Variants in CSMD1 observed in about 807,000 individuals in gnomAD.
The protein encoded by CSMD1 is CUB and Sushi multiple domains 1.
A neutral mutation model predicts 417.5 loss-of-function variants in CSMD1; 213 were observed. The ratio of observed to expected loss-of-function variants is 0.51; its 90% CI spans 0.46 to 0.57. The LOEUF is 0.57. CSMD1 is among the 20% of genes least tolerant of loss of function. The pLI is 0.00. For missense variants in CSMD1, 6,923 were observed against 4,529.7 expected (o/e 1.53, Z -15.17); for synonymous variants, 2,862 against 1,736.8 (o/e 1.65, Z -16.11).
chr8:3,493,637 T>A lies in CSMD1; in HGVS notation c.1434A>T (p.Arg478Ser). 1 of 1,610,476 alleles carries A rather than the reference T, an allele frequency of 6.2e-7. No individual in the cohort carries two copies. The highest frequency in any genetic ancestry group is 1.1e-5 in the South Asian group (1 of 89,950). Residue 478 changes from arginine to serine, a missense_variant, in exon 11 of 70, where the codon AGA (arginine) becomes AGT (serine). Physicochemically the swap from Arg to Ser is moderately radical, Grantham distance 110. Transcript: ENST00000635120. ...VGDAGKVGDT[R>S]SVLYVLTGSS... is the part of the protein sequence containing the mutation. Reference sequence around the variant, plus strand: ...GACATACTCACACGTACAAGACCGATCTGGTGTCTCCCACCTTCCCAGCAT... The same window carrying A: ...GACATACTCACACGTACAAGACCGAACTGGTGTCTCCCACCTTCCCAGCAT...
At chr8:4,578,264 C>A (rs1298890224) in intron 2 of CSMD1, among the ~76,000 whole-genome samples, 1 of 151,000 alleles carries the variant, frequency 6.6e-6, no homozygotes, top group Non-Finnish European at 1.5e-5. Context: ...GGGTTCACGC[C>A]ATTCTCCTGC....
chr8:4,359,531 C>G (rs1563091860), intron 3 of CSMD1, among the ~76,000 whole-genome samples: 1 of 152,200 alleles, frequency 6.6e-6, no homozygotes, highest in Admixed American at 6.5e-5. Context: ...ATAGAGATGT[C>G]TCCTTCCAAT....
chr8:3,841,590 G>T (rs1051956100), intron 5 of CSMD1, among the ~76,000 whole-genome samples: 1 of 151,878 alleles, frequency 6.6e-6, no homozygotes, highest in Non-Finnish European at 1.5e-5. Flanking sequence ...CCAAATATTA[G>T]CACTAGAAAG....
chr8:4,341,424 G>A (rs1015516832), intron 3 of CSMD1, among the ~76,000 whole-genome samples: 2 of 152,054 alleles, frequency 1.3e-5, no homozygotes, highest in Admixed American at 6.6e-5. Flanking sequence ...AGAGGAAAAT[G>A]TTTGAAGATA....
At chr8:4,938,176 G>A (rs1270751558) in intron 1 of CSMD1, among the ~76,000 whole-genome samples, 2 of 152,104 alleles carry the variant, frequency 1.3e-5, no homozygotes, top group African/African-American at 4.8e-5. Context: ...GGGAAATATA[G>A]AAATAGTCAG....
chr8:3,711,466 C>T (rs1801505272), intron 6 of CSMD1, among the ~76,000 whole-genome samples: 1 of 152,178 alleles, frequency 6.6e-6, no homozygotes, highest in Admixed American at 6.5e-5. Context: ...CAACCCCAAC[C>T]AAAGGGCGCT....
At chr8:4,461,831 AC>A (rs1182978810) in intron 2 of CSMD1, among the ~76,000 whole-genome samples, 1 of 146,906 alleles carries the variant, frequency 6.8e-6, no homozygotes, top group Non-Finnish European at 1.5e-5. Context: ...AGCTCCACCT[AC>A]GGGGTTCCCG....
rs569842043 is a variant in CSMD1, at chr8:4,776,928, A to G, written c.86-139370T>C. ...ACACTTCCACAACGTTACTAAGATT[A>G]AAGGCACTGGTGTTTGTAAAATTAC... On this transcript the variant is annotated intron_variant, in intron 1 of 69. Coordinates refer to ENST00000635120, the MANE Select transcript of CSMD1 (RefSeq NM_033225.6). Among the ~76,000 whole-genome samples, 26 of 152,320 alleles carry G rather than the reference A, an allele frequency of 1.7e-4. No homozygotes were observed. The East Asian group carries it at 4.8e-3, about 28-fold the overall frequency.
chr8:4,319,963 T>G (rs1799174504), intron 3 of CSMD1, among the ~76,000 whole-genome samples: 1 of 152,146 alleles, frequency 6.6e-6, no homozygotes, highest in Admixed American at 6.6e-5. Context: ...TTTGGATTTT[T>G]ACAGGCAGAG....
At chr8:3,589,156 T>C (rs1173914577) in intron 8 of CSMD1, among the ~76,000 whole-genome samples, 1 of 152,166 alleles carries the variant, frequency 6.6e-6, no homozygotes, top group Non-Finnish European at 1.5e-5. Context: ...TAAATTAGCA[T>C]ACTCATTATG....
chr8:3,982,197 A>ATTAAT (rs1554506372), intron 5 of CSMD1, among the ~76,000 whole-genome samples: 8,113 of 105,240 alleles, frequency 0.077, 496 homozygotes, highest in Admixed American at 0.22. Flanking sequence ...TAATATTAAT[A>ATTAAT]AAAAAAATAA....
At chr8:4,051,868 C>CTTTTCTTTTCT (rs57184690) in intron 3 of CSMD1, among the ~76,000 whole-genome samples, 1 of 40,552 alleles carries the variant, frequency 2.5e-5, no homozygotes, top group Non-Finnish European at 5.2e-5. Flanking sequence ...TTCTTTCTTT[C>CTTTTCTTTTCT]CTTCCTCCTT....
chr8:4,165,125 C>A (rs561167558), intron 3 of CSMD1, among the ~76,000 whole-genome samples: 274 of 152,254 alleles, frequency 1.8e-3, no homozygotes, highest in Admixed American at 2.9e-3. Context: ...CTGGTGCATG[C>A]ATGACAGGTA....
chr8:4,314,215 G>A lies in CSMD1; in HGVS notation c.415+105738C>T, dbSNP rs181143103. Among the ~76,000 whole-genome samples the A allele has an allele frequency of 1.8e-4, 27 of 149,554 alleles. No individual in the cohort carries two copies. The East Asian group carries it at 4.5e-3, about 25-fold the overall frequency. ...TCATTATTTTCAAGACTGCAGTCACGTTAATAGTTAAGTCACAACACAATG... is the reference window on the plus strand; with the variant it reads ...TCATTATTTTCAAGACTGCAGTCACATTAATAGTTAAGTCACAACACAATG... On this transcript the variant is annotated intron_variant, in intron 3 of 69. Coordinates refer to ENST00000635120, the MANE Select transcript of CSMD1 (RefSeq NM_033225.6).
chr8:3,308,205 G>GTGTGATAAAATTCCTCCTCTTTT (rs1805038014), intron 24 of CSMD1, 107 bp downstream of exon 24: 3 of 829,824 alleles, frequency 3.6e-6, no homozygotes, highest in Non-Finnish European at 5.6e-6. Context: ...ACACTGGAAA[G>GTGTGATAAAATTCCTCCTCTTTT]TGTGATAAAA....
In CSMD1 at chr8:4,748,780, G is replaced by A. The variant is rs1002179192; in HGVS notation, c.86-111222C>T. Among the ~76,000 whole-genome samples the A allele has an allele frequency of 4.6e-5, 7 of 152,152 alleles. No homozygotes were observed. The South Asian group carries it at 1.0e-3, about 23-fold the overall frequency. ...TAATTACTGGTTAATTATTGAATAGGTATTTAGTAGCGTGTTAGCATCACC... is the reference window on the plus strand; with the variant it reads ...TAATTACTGGTTAATTATTGAATAGATATTTAGTAGCGTGTTAGCATCACC... On this transcript the variant is annotated intron_variant, in intron 1 of 69. Transcript: ENST00000635120.
intron 5 of CSMD1, among the ~76,000 whole-genome samples, chr8:3,977,687 C>A (rs961735196): frequency 1.3e-5 from 2 of 152,142 alleles, no homozygotes; most frequent in African/African-American, 2.4e-5. Context: ...TGGTAAATCA[C>A]CAACTTTCTC....
chr8:4,956,189 C>T lies in CSMD1; in HGVS notation c.85+38143G>A, dbSNP rs144726664. On this transcript the variant is annotated intron_variant, in intron 1 of 69. Coordinates refer to ENST00000635120, the MANE Select transcript of CSMD1 (RefSeq NM_033225.6). The stretch of plus-strand genomic sequence containing the variant: ...GTTGTTTCTTTTCTACTTGGGGCCA[C>T]TGGAGATTTGTTTTCTTTTTAAGTT... Among the ~76,000 whole-genome samples the T allele has an allele frequency of 1.1e-4, 17 of 152,074 alleles. 1 individual carries two copies. The East Asian group carries it at 2.9e-3, about 26-fold the overall frequency.
At chr8:3,734,709 T>C (rs1796438047) in intron 6 of CSMD1, among the ~76,000 whole-genome samples, 1 of 152,094 alleles carries the variant, frequency 6.6e-6, no homozygotes, top group Admixed American at 6.5e-5. Context: ...AGATTTTGTC[T>C]CAAAAAAATA....
Sources: gnomAD v4.1 joint callset for allele counts (sites outside exome capture counted in the v4.1 genomes callset) on GRCh38, gnomAD v4.1.1 for gene constraint, MANE v1.5 for transcripts, NCBI Gene and HGNC (gene_info 2026-07-23, HGNC 2026-07-21) for gene names.